PTPN14: variants seen among roughly 807,000 people sequenced by gnomAD.
PTPN14 encodes protein tyrosine phosphatase non-receptor type 14.
PTPN14 carries 53 observed loss-of-function variants against 126.8 expected under a neutral mutation model. The observed-to-expected ratio is 0.42, with a 90% CI of 0.34 to 0.53. The LOEUF (loss-of-function observed/expected upper bound fraction) is 0.53. Ranked by LOEUF, PTPN14 falls within the 20% of genes least tolerant of loss-of-function variation. PTPN14 has a pLI of 0.08. For synonymous variants in PTPN14, 630 were observed against 599.3 expected (o/e 1.05, Z -0.75); for missense variants, 1,257 against 1,552.9 (o/e 0.81, Z 3.20).
At chr1:214,408,692 A>G (rs920905141) in intron 5 of PTPN14, among the ~76,000 whole-genome samples, 1 of 152,202 alleles carries the variant, frequency 6.6e-6, no homozygotes, top group Non-Finnish European at 1.5e-5. Flanking sequence ...ACGAAAACTG[A>G]TTTAACAGGA....
chr1:214,413,240 C>T (rs942565475), intron 4 of PTPN14, among the ~76,000 whole-genome samples: 3 of 152,130 alleles, frequency 2.0e-5, no homozygotes, highest in African/African-American at 7.2e-5. Context: ...TGATCTTCTC[C>T]ATTATTTCAA....
At chr1:214,367,755 C>G (rs971029089) in intron 17 of PTPN14, among the ~76,000 whole-genome samples, 1 of 152,114 alleles carries the variant, frequency 6.6e-6, no homozygotes, top group African/African-American at 2.4e-5. Context: ...AGAGCTGCAG[C>G]CACCGCTGAA....
At chr1:214,387,159 G>C (rs866683469) in intron 11 of PTPN14, among the ~76,000 whole-genome samples, 21 of 152,232 alleles carry the variant, frequency 1.4e-4, no homozygotes, top group African/African-American at 4.3e-4. Context: ...AGATCAGAAA[G>C]AGAAAGAGGT....
chr1:214,449,958 TC>T (rs1660235701), intron 3 of PTPN14, among the ~76,000 whole-genome samples: 1 of 151,486 alleles, frequency 6.6e-6, no homozygotes, highest in Non-Finnish European at 1.5e-5. Flanking sequence ...CAGCGAGACT[TC>T]ATCTCTACAA....
At chr1:214,509,782 T>C (rs1232596430) in intron 1 of PTPN14, among the ~76,000 whole-genome samples, 1 of 152,126 alleles carries the variant, frequency 6.6e-6, no homozygotes, top group Non-Finnish European at 1.5e-5. Flanking sequence ...ATGTGGCACA[T>C]ATACACCATG....
chr1:214,507,477 T>C (rs1440739759), intron 1 of PTPN14, among the ~76,000 whole-genome samples: 3 of 152,254 alleles, frequency 2.0e-5, no homozygotes, highest in African/African-American at 7.2e-5. Flanking sequence ...TGAGTCAGTA[T>C]AGCTCATCCT....
intron 1 of PTPN14, among the ~76,000 whole-genome samples, chr1:214,486,978 A>G (rs1016709971): frequency 1.2e-4 from 19 of 152,210 alleles, no homozygotes; most frequent in African/African-American, 4.3e-4. Context: ...CTTTGATCAG[A>G]TCCCCAAAGC....
intron 7 of PTPN14, among the ~76,000 whole-genome samples, chr1:214,400,414 T>C (rs1225229943): frequency 1.3e-5 from 2 of 152,192 alleles, no homozygotes; most frequent in African/African-American, 4.8e-5. Context: ...CAGAAGCGCC[T>C]ATCTTCCAAC....
chr1:214,472,826 G>A (rs1052294721), intron 1 of PTPN14, among the ~76,000 whole-genome samples: 2 of 152,152 alleles, frequency 1.3e-5, no homozygotes, highest in African/African-American at 4.8e-5. Flanking sequence ...TATACTGGGG[G>A]TATTCTCACA....
In PTPN14 at chr1:214,418,711, T is replaced by C. The variant is rs185012301; in HGVS notation, c.345-3985A>G. ...ACAGCATATGAGGCAAATGTTGAAA[T>C]GAGAAACTTTTCCATAAAAATCCTA... On this transcript the variant is annotated intron_variant, in intron 3 of 18. Coordinates refer to ENST00000366956, the MANE Select transcript of PTPN14 (RefSeq NM_005401.5). Among the ~76,000 whole-genome samples, 5 of 152,380 alleles carry C rather than the reference T, an allele frequency of 3.3e-5. No homozygotes were observed. In the East Asian group the frequency reaches 9.6e-4, roughly 29 times the overall value.
At chr1:214,417,755 A>T (rs796312723) in intron 3 of PTPN14, among the ~76,000 whole-genome samples, 8 of 152,270 alleles carry the variant, frequency 5.3e-5, no homozygotes, top group African/African-American at 1.9e-4. Context: ...ATTACCACAG[A>T]ACTACAAATA....
intron 2 of PTPN14, among the ~76,000 whole-genome samples, chr1:214,453,293 G>A (rs1315361022): frequency 6.6e-6 from 1 of 152,120 alleles, no homozygotes; most frequent in African/African-American, 2.4e-5. Flanking sequence ...TCATTTCCTA[G>A]CTCCACTGAG....
chr1:214,432,193 G>GAA (rs11436749), intron 3 of PTPN14, among the ~76,000 whole-genome samples: 57 of 147,058 alleles, frequency 3.9e-4, no homozygotes, highest in Middle Eastern at 3.5e-3. Flanking sequence ...CCTGTCTCAA[G>GAA]AAAAAAAAAA....
At chr1:214,498,157 T>A (rs1440692906) in intron 1 of PTPN14, among the ~76,000 whole-genome samples, 1 of 152,198 alleles carries the variant, frequency 6.6e-6, no homozygotes, top group South Asian at 2.1e-4. Context: ...GAAAACAGTA[T>A]CTACTGAATG....
chr1:214,490,852 AG>A (rs1661216389), intron 1 of PTPN14, among the ~76,000 whole-genome samples: 1 of 24,100 alleles, frequency 4.1e-5, no homozygotes, highest in Non-Finnish European at 7.3e-5. Context: ...AAGGAAAGGA[AG>A]GGAAGGGAGG....
intron 1 of PTPN14, among the ~76,000 whole-genome samples, chr1:214,493,006 T>G (rs1052429553): frequency 1.3e-5 from 2 of 152,080 alleles, no homozygotes; most frequent in Admixed American, 6.6e-5. Flanking sequence ...GCTTTATTTA[T>G]GTCTAGCAGG....
intron 1 of PTPN14, among the ~76,000 whole-genome samples, chr1:214,484,401 A>C (rs1347981134): frequency 9.2e-5 from 14 of 152,166 alleles, no homozygotes; most frequent in Admixed American, 9.2e-4. Flanking sequence ...ACAGAGTGAG[A>C]CCCTATCTCT....
In PTPN14 at chr1:214,353,621, T is replaced by C. The variant is rs1472443; in HGVS notation, c.*4301A>G. Reference sequence around the variant, plus strand: ...GGCTGAGGTCAGCTAATACAGACTGTTCATCGGGAAAGGACAGCAGCTAAA... The same window carrying C: ...GGCTGAGGTCAGCTAATACAGACTGCTCATCGGGAAAGGACAGCAGCTAAA... On this transcript the variant is annotated 3_prime_UTR_variant, in exon 19 of 19. Coordinates refer to ENST00000366956, the MANE Select transcript of PTPN14 (RefSeq NM_005401.5). 0.82 allele frequency: 124,115 copies of C among 152,250 alleles called. 51,323 individuals are homozygous for C. The highest frequency in any genetic ancestry group is 0.96 in the African/African-American group (39,827 of 41,558). 9.4% of individuals were successfully genotyped at this position (152,250 alleles called of 1,614,324 possible).
chr1:214,387,984 G>C (rs1206418947), intron 11 of PTPN14, among the ~76,000 whole-genome samples: 1 of 152,124 alleles, frequency 6.6e-6, no homozygotes, highest in Non-Finnish European at 1.5e-5. Context: ...AGTGTGCAAA[G>C]GGCCCTGTCT....
Sources: gnomAD v4.1 joint callset for allele counts (sites outside exome capture counted in the v4.1 genomes callset) on GRCh38, gnomAD v4.1.1 for gene constraint, MANE v1.5 for transcripts, NCBI Gene and HGNC (gene_info 2026-07-23, HGNC 2026-07-21) for gene names.